H6PD: variants seen among roughly 807,000 people sequenced by gnomAD.
H6PD encodes hexose-6-phosphate dehydrogenase/glucose 1-dehydrogenase, also known as GDH/6PGL endoplasmic bifunctional protein.
In H6PD, 48 loss-of-function variants were observed where a neutral mutation model predicts 61.2. The ratio of observed to expected loss-of-function variants is 0.78; its 90% CI spans 0.62 to 1.00. The LOEUF is 1.00. Among genes scored for constraint, H6PD ranks in the 50% least tolerant of loss-of-function variants. The pLI is 0.00. For synonymous variants in H6PD, 480 were observed against 457.9 expected, an observed-to-expected ratio of 1.05 and a Z score of -0.62; for missense variants, 1,093 against 1,065.0, an observed-to-expected ratio of 1.03 and a Z score of -0.37.
chr1:9,245,166 G>T lies in H6PD; in HGVS notation c.232G>T (p.Ala78Ser). The change falls in exon 2 of 5, where the codon GCC (alanine) becomes TCC (serine). Residue 78 changes from alanine (A) to serine (S), a missense_variant. Physicochemically the swap from Ala to Ser is moderately conservative, Grantham distance 99. Coordinates refer to ENST00000377403, the MANE Select transcript of H6PD (RefSeq NM_004285.4). This position sits in a 1 kb window ranked among gnomAD's most constrained non-coding sequence, Gnocchi z 4.8. ...CCCCAAGCAGGGTCAAGAGCTCATG[G>T]CCAAGGCCCTGGAATCCCTCTCCTG... ...TAPKQGQELMAKALESLSCPK... is the reference protein window; with the variant it reads ...TAPKQGQELMSKALESLSCPK... 1 of 1,614,218 alleles carries T rather than the reference G, an allele frequency of 6.2e-7. No homozygotes were observed. Among genetic ancestry groups the T allele is most frequent in the South Asian group, 1.1e-5 (1 of 91,088 alleles).
At position 9,264,000 on chromosome 1, in the gene H6PD, G is replaced by C. The variant is rs1432692838; in HGVS notation, c.1507G>C (p.Gly503Arg). Residue 503 changes from glycine to arginine, a missense_variant, in exon 5 of 5, where the codon GGA (glycine) becomes CGA (arginine). Physicochemically the swap from Gly to Arg is moderately radical, Grantham distance 125. Coordinates refer to ENST00000377403, the MANE Select transcript of H6PD (RefSeq NM_004285.4). ...CCATAAGGCCCCACGCCTCTACCCT[G>C]GAGGAGCTGAGAATGGCCGTCTGTT... ...LAHKAPRLYP[G>R]GAENGRLLDF... The C allele has an allele frequency of 6.2e-7, 1 of 1,614,234 alleles. No individual in the cohort carries two copies. Among genetic ancestry groups the C allele is most frequent in the South Asian group, 1.1e-5 (1 of 91,084 alleles).
At chr1:9,255,762 G>A (rs1270527431) in intron 3 of H6PD, among the ~76,000 whole-genome samples, 1 of 152,136 alleles carries the variant, frequency 6.6e-6, no homozygotes, top group Non-Finnish European at 1.5e-5. Context: ...TACCTCTGAG[G>A]GACACCAGCC....
chr1:9,257,144 CT>C (rs113443067), intron 3 of H6PD, among the ~76,000 whole-genome samples: 351 of 145,368 alleles, frequency 2.4e-3, no homozygotes, highest in Admixed American at 3.4e-3. Context: ...CTTTTTCTTT[CT>C]TTTTTTTTTT....
chr1:9,236,906 T>G (rs1328029087), intron 1 of H6PD, among the ~76,000 whole-genome samples: 1 of 152,150 alleles, frequency 6.6e-6, no homozygotes, highest in Non-Finnish European at 1.5e-5. Context: ...CTTCCACGTT[T>G]CAACAAAGCA....
intron 3 of H6PD, among the ~76,000 whole-genome samples, chr1:9,251,324 A>G (rs7526864): frequency 0.25 from 38,444 of 152,030 alleles, 5,170 homozygotes; most frequent in East Asian, 0.43. Context: ...CTAACCACTG[A>G]GCTCCACAGC....
At chr1:9,241,519 C>T (rs756604178) in intron 1 of H6PD, among the ~76,000 whole-genome samples, 1 of 152,174 alleles carries the variant, frequency 6.6e-6, no homozygotes, top group African/African-American at 2.4e-5. Flanking sequence ...TCCTCAGCCT[C>T]CTGAGTAGCT....
chr1:9,240,217 C>G (rs999560891), intron 1 of H6PD, among the ~76,000 whole-genome samples: 2 of 152,134 alleles, frequency 1.3e-5, no homozygotes, highest in Admixed American at 1.3e-4. Context: ...TGGCAAGTAT[C>G]TTAAATAAGA....
rs1638405581 is a variant in H6PD, at chr1:9,263,450, C to G, written c.1016-59C>G. On this transcript the variant is annotated intron_variant, in intron 4 of 4. Coordinates refer to ENST00000377403, the MANE Select transcript of H6PD (RefSeq NM_004285.4). ...AGGAGCCGGCAAGGAGAGGAGAGGGCTGGCCGGAGAGTCCTGGTCTGTGCC... is the reference window on the plus strand; with the variant it reads ...AGGAGCCGGCAAGGAGAGGAGAGGGGTGGCCGGAGAGTCCTGGTCTGTGCC... 3.2e-6 allele frequency: 5 copies of G among 1,553,262 alleles called. No homozygotes were observed. In the Admixed American group the frequency reaches 8.3e-5, roughly 26 times the overall value.
chr1:9,238,651 T>C (rs1557733996), intron 1 of H6PD, among the ~76,000 whole-genome samples: 4 of 152,174 alleles, frequency 2.6e-5, no homozygotes, highest in Admixed American at 2.6e-4. Flanking sequence ...TGGAAGCAGA[T>C]TGGGAGAGAA....
At position 9,263,049 on chromosome 1, in the gene H6PD, A is replaced by G. The variant is rs78661831; in HGVS notation, c.1016-460A>G. 7.3e-5 allele frequency among the ~76,000 whole-genome samples: 11 copies of G among 151,168 alleles called. No homozygotes were observed. The East Asian group carries it at 2.0e-3, about 27-fold the overall frequency. ...CCCACCCACGGGCCTCTGCTTGGTG[A>G]CTCTCTCCTCACCCCGCACCTCTGA... On this transcript the variant is annotated intron_variant, in intron 4 of 4. Coordinates refer to ENST00000377403, the MANE Select transcript of H6PD (RefSeq NM_004285.4).
At chr1:9,260,842 G>T (rs1181001755) in intron 3 of H6PD, among the ~76,000 whole-genome samples, 4 of 151,966 alleles carry the variant, frequency 2.6e-5, no homozygotes, top group Admixed American at 2.6e-4. Context: ...TGCGCCTGGG[G>T]GTCTTCAGCC....
chr1:9,253,251 A>C (rs1015775925), intron 3 of H6PD, among the ~76,000 whole-genome samples: 1 of 152,180 alleles, frequency 6.6e-6, no homozygotes, highest in Admixed American at 6.5e-5. Flanking sequence ...ATTAAGGAAT[A>C]AAGGAAGCTC....
intron 4 of H6PD, among the ~76,000 whole-genome samples, chr1:9,262,530 G>A (rs1467128134): frequency 6.6e-6 from 1 of 152,232 alleles, no homozygotes; most frequent in Admixed American, 6.5e-5. Context: ...TGCCCTCAGG[G>A]CGAAGGACAT....
At chr1:9,251,716 C>G (rs72855974) in intron 3 of H6PD, among the ~76,000 whole-genome samples, 4,874 of 152,162 alleles carry the variant, frequency 0.032, 228 homozygotes, top group African/African-American at 0.11. Flanking sequence ...TTCCCGCCCC[C>G]TCTGCAGAGC....
chr1:9,238,455 A>G (rs2100303956), intron 1 of H6PD, among the ~76,000 whole-genome samples: 1 of 152,316 alleles, frequency 6.6e-6, no homozygotes, highest in South Asian at 2.1e-4. Flanking sequence ...AGTAATCCAG[A>G]CGGAGATGAC....
chr1:9,256,061 T>C (rs1282257876), intron 3 of H6PD, among the ~76,000 whole-genome samples: 1 of 152,214 alleles, frequency 6.6e-6, no homozygotes, highest in Non-Finnish European at 1.5e-5. Flanking sequence ...GGGTAAGTTA[T>C]CCAACCTCTC....
intron 1 of H6PD, among the ~76,000 whole-genome samples, chr1:9,241,351 T>C (rs373079011): frequency 7.9e-4 from 117 of 148,346 alleles, no homozygotes; most frequent in Middle Eastern, 3.5e-3. Flanking sequence ...CCCACCCTTA[T>C]GGAAAGGTGG....
chr1:9,258,566 T>C (rs1283190796), intron 3 of H6PD, among the ~76,000 whole-genome samples: 4 of 152,258 alleles, frequency 2.6e-5, no homozygotes, highest in Non-Finnish European at 5.9e-5. Context: ...GTTAAGCTGG[T>C]GTTATATTGT....
At chr1:9,238,880 G>T (rs772968373) in intron 1 of H6PD, among the ~76,000 whole-genome samples, 15 of 152,068 alleles carry the variant, frequency 9.9e-5, no homozygotes, top group Non-Finnish European at 1.8e-4. Flanking sequence ...CTATATCTGT[G>T]GTGTAAATAT....
Sources: gnomAD v4.1 joint callset for allele counts (sites outside exome capture counted in the v4.1 genomes callset) on GRCh38, gnomAD v4.1.1 for gene constraint, Gnocchi (gnomAD v3.1) non-coding constraint, MANE v1.5 for transcripts, NCBI Gene and HGNC (gene_info 2026-07-23, HGNC 2026-07-21) for gene names.